Variants in AKT3 observed in about 807,000 individuals in gnomAD.
AKT3 encodes the protein AKT serine/threonine kinase 3, also known as RAC-gamma serine/threonine-protein kinase.
Under a neutral mutation model 65.3 loss-of-function variants are expected in AKT3, and 15 were observed. The observed-to-expected ratio is 0.23, with a 90% CI of 0.15 to 0.35. The LOEUF is 0.35. Ranked by LOEUF, AKT3 falls within the 10% of genes least tolerant of loss-of-function variation. The probability of loss-of-function intolerance (pLI) is 1.00; values close to 1 mark genes in which losing one functional copy is unlikely to be tolerated. For synonymous variants in AKT3, 206 were observed against 183.8 expected (o/e 1.12, Z -0.98); for missense variants, 243 against 576.5 (o/e 0.42, Z 5.92).
chr1:243,706,316 G>A (rs1004592463), intron 2 of AKT3, among the ~76,000 whole-genome samples: 2 of 152,166 alleles, frequency 1.3e-5, no homozygotes, highest in African/African-American at 4.8e-5. Flanking sequence ...CATGCCTGAT[G>A]GATATGACAA....
chr1:243,512,547 G>C (rs542552696), intron 12 of AKT3, 121 bp from the exon 13 acceptor site: 22 of 639,332 alleles, frequency 3.4e-5, no homozygotes, highest in Non-Finnish European at 5.6e-5. Context: ...ATGCTGAGTC[G>C]CTGGGTAAGG....
rs1373660736 is a variant in AKT3 at position 243,602,090 on chromosome 1, AT to A, written c.696+11580del. Among the ~76,000 whole-genome samples the A allele has an allele frequency of 2.6e-5, 4 of 152,198 alleles. No individual in the cohort carries two copies. The South Asian group carries it at 8.3e-4, about 31-fold the overall frequency. The stretch of plus-strand genomic sequence containing the variant: ...CCAGCCACTTGATCTGAGATTTTAG[AT>A]TTGTAAGCAAGCATGTTACATGTTG... On this transcript the variant is annotated intron_variant, in intron 8 of 13. Transcript: ENST00000673466.
chr1:243,832,027 T>C (rs1012544816), intron 2 of AKT3, among the ~76,000 whole-genome samples: 1 of 146,362 alleles, frequency 6.8e-6, no homozygotes, highest in African/African-American at 2.5e-5. Flanking sequence ...CTGCCTGTAA[T>C]CCCAACATTT....
chr1:243,645,733 T>TA (rs1213954033), intron 5 of AKT3, among the ~76,000 whole-genome samples, 160 bp downstream of exon 5: 2 of 152,234 alleles, frequency 1.3e-5, no homozygotes, highest in African/African-American at 4.8e-5. Context: ...CTATTTGGTT[T>TA]TAAACAACAA....
At position 243,502,258 on chromosome 1, in the gene AKT3, G is replaced by A. The variant is rs1458695584; in HGVS notation, c.*2991C>T. ...GAGAGACCCTGCAGTTAGTAAGGAA[G>A]GCCCTTACTTTTGTACTCTAGGAGA... On this transcript the variant is annotated 3_prime_UTR_variant, in exon 14 of 14. Coordinates refer to ENST00000673466, the MANE Select transcript of AKT3 (RefSeq NM_005465.7). 4.3e-6 allele frequency: 1 copy of A among 232,722 alleles called. No individual in the cohort carries two copies. The highest frequency in any genetic ancestry group is 8.5e-6 in the Non-Finnish European group (1 of 117,816). 14.4% of individuals were successfully genotyped at this position (232,722 alleles called of 1,614,324 possible).
chr1:243,527,928 CACACACACAGAGAGAGAG>C (rs1299989607), intron 12 of AKT3, among the ~76,000 whole-genome samples: 32 of 50,354 alleles, frequency 6.4e-4, no homozygotes, highest in African/African-American at 2.1e-3. Context: ...CACACACACA[CACACACACAGAGAGAGAG>C]AGAGAGAGAG....
chr1:243,803,499 T>G (rs1231548767), intron 2 of AKT3, among the ~76,000 whole-genome samples: 1 of 152,144 alleles, frequency 6.6e-6, no homozygotes, highest in African/African-American at 2.4e-5. Context: ...AGGCTTCCAC[T>G]GCATCTTTAT....
At chr1:243,604,389 C>A (rs2148582233) in intron 8 of AKT3, among the ~76,000 whole-genome samples, 1 of 152,292 alleles carries the variant, frequency 6.6e-6, no homozygotes, top group Middle Eastern at 3.4e-3. Context: ...GAGTGAAGAT[C>A]TGTCTTAATG....
chr1:243,509,591 C>T (rs999060899), intron 13 of AKT3, among the ~76,000 whole-genome samples: 2 of 152,172 alleles, frequency 1.3e-5, no homozygotes, highest in African/African-American at 4.8e-5. Context: ...CATTTCTGAG[C>T]ATCGCATTAG....
chr1:243,802,138 C>G (rs544108226), intron 2 of AKT3, among the ~76,000 whole-genome samples: 1 of 152,242 alleles, frequency 6.6e-6, no homozygotes, highest in Admixed American at 6.5e-5. Context: ...AGCTCATTTC[C>G]AAATGCCTGG....
intron 2 of AKT3, among the ~76,000 whole-genome samples, chr1:243,775,150 A>C (rs1408753409): frequency 1.3e-5 from 2 of 152,062 alleles, no homozygotes; most frequent in Non-Finnish European, 2.9e-5. Context: ...GGCGTGAGCT[A>C]CCGCACCCGT....
At chr1:243,724,259 A>G (rs75061940) in intron 2 of AKT3, among the ~76,000 whole-genome samples, 1 of 151,728 alleles carries the variant, frequency 6.6e-6, no homozygotes, top group Non-Finnish European at 1.5e-5. Context: ...AAAAAAAAAA[A>G]GAATCCAGAA....
In AKT3 at chr1:243,552,846, T is replaced by C. The variant is rs1251119164; in HGVS notation, c.1046A>G (p.Gln349Arg). The change falls in exon 11 of 14, where the codon CAG becomes CGG. Residue 349 changes from glutamine (Q) to arginine (R), a missense_variant. Around this residue, in one of 6 missense-constraint regions of AKT3, gnomAD observed 20 missense variants for 68.4 expected, o/e 0.29. Transcript: ENST00000673466. ...MMCGRLPFYNQDHEKLFELIL... is the reference protein window; with the variant it reads ...MMCGRLPFYNRDHEKLFELIL... ...TAATTCAAAAAGTTTCTCATGGTCCTGGTTGTAGAAAGGTAACCTCCCACA... is the reference window on the plus strand; with the variant it reads ...TAATTCAAAAAGTTTCTCATGGTCCCGGTTGTAGAAAGGTAACCTCCCACA... The C allele has an allele frequency of 6.2e-7, 1 of 1,614,068 alleles. No individual in the cohort carries two copies. The highest frequency in any genetic ancestry group is 8.5e-7 in the Non-Finnish European group (1 of 1,179,960).
Position 243,500,366 on chromosome 1 carries a change from C to T in AKT3, c.*4883G>A, listed in dbSNP as rs1253140296. ...TTACTCTTTCCATTCTGTTAAACAA[C>T]GAAAACAGACAAAAAAGCATCTTTG... On this transcript the variant is annotated 3_prime_UTR_variant, in exon 14 of 14. Transcript: ENST00000673466. 1.3e-5 allele frequency: 3 copies of T among 223,780 alleles called. No homozygotes were observed. The highest frequency in any genetic ancestry group is 5.7e-5 in the Admixed American group (1 of 17,414). 13.9% of individuals were successfully genotyped at this position (223,780 alleles called of 1,614,324 possible).
chr1:243,609,334 C>CTGTGTGTGTGTG (rs72249798), intron 8 of AKT3, among the ~76,000 whole-genome samples: 392 of 148,166 alleles, frequency 2.6e-3, no homozygotes, highest in South Asian at 8.9e-3. Flanking sequence ...TTTTCATTTT[C>CTGTGTGTGTGTG]TGTGTGTGTG....
intron 8 of AKT3, among the ~76,000 whole-genome samples, chr1:243,590,645 A>T (rs1339952543): frequency 2.0e-5 from 3 of 152,146 alleles, no homozygotes; most frequent in South Asian, 2.1e-4. Context: ...AACAAACAAC[A>T]TCTAAAATAA....
chr1:243,501,102 A>C lies in AKT3; in HGVS notation c.*4147T>G, dbSNP rs762363178. The C allele has an allele frequency of 4.3e-6, 1 of 231,422 alleles. No homozygotes were observed. Among genetic ancestry groups the C allele is most frequent in the Admixed American group, 5.6e-5 (1 of 17,736 alleles). 14.3% of individuals were successfully genotyped at this position (231,422 alleles called of 1,614,324 possible). On this transcript the variant is annotated 3_prime_UTR_variant, in exon 14 of 14. Coordinates refer to ENST00000673466, the MANE Select transcript of AKT3 (RefSeq NM_005465.7). ...TCAAATTTGGCCGTGTGACATACAC[A>C]TACATGCTTGACTCACTCTGGTCCC...
chr1:243,802,955 C>T (rs1692467465), intron 2 of AKT3, among the ~76,000 whole-genome samples: 1 of 152,064 alleles, frequency 6.6e-6, no homozygotes, highest in South Asian at 2.1e-4. Flanking sequence ...TTAAGACCCA[C>T]CTGGGCAACA....
intron 2 of AKT3, among the ~76,000 whole-genome samples, chr1:243,724,253 A>G (rs1262787329): frequency 1.3e-5 from 2 of 152,012 alleles, no homozygotes; most frequent in Non-Finnish European, 2.9e-5. Flanking sequence ...GGGAAAAAAA[A>G]AAAAAAGAAT....
Sources: allele counts gnomAD v4.1 joint callset (sites outside exome capture counted in the v4.1 genomes callset), GRCh38; gene constraint gnomAD v4.1.1; regional missense constraint gnomAD v4.1.1; transcripts MANE v1.5; gene names NCBI Gene and HGNC (gene_info 2026-07-23, HGNC 2026-07-21).